Variants in ZNF143 observed in about 807,000 individuals in gnomAD.
The protein encoded by ZNF143 is SPH-binding factor.
A neutral mutation model predicts 74.1 loss-of-function variants in ZNF143; 49 were observed. That is an observed-to-expected ratio of 0.66 (90% CI 0.53 to 0.84). ZNF143 has a LOEUF of 0.84. ZNF143 is among the 40% of genes least tolerant of loss of function. The pLI is 0.00. For missense variants in ZNF143, 637 were observed against 793.4 expected (o/e 0.80, Z 2.37); for synonymous variants, 304 against 282.8 (o/e 1.07, Z -0.75).
intron 1 of ZNF143, among the ~76,000 whole-genome samples, chr11:9,462,531 C>G (rs1386848273): frequency 6.6e-6 from 1 of 151,314 alleles, no homozygotes; most frequent in Non-Finnish European, 1.5e-5. Flanking sequence ...CCACTGTACT[C>G]CCGTCTGGGT....
At chr11:9,524,355 G>T (rs1412912926) in intron 14 of ZNF143, among the ~76,000 whole-genome samples, 1 of 152,098 alleles carries the variant, frequency 6.6e-6, no homozygotes, top group Non-Finnish European at 1.5e-5. Context: ...TTTGTCAAGG[G>T]TTTATAATTG....
chr11:9,488,779 A>G (rs769813351), intron 7 of ZNF143, among the ~76,000 whole-genome samples: 3 of 152,126 alleles, frequency 2.0e-5, no homozygotes, highest in Non-Finnish European at 4.4e-5. Context: ...AATATTTATT[A>G]TTTTAGAATG....
intron 11 of ZNF143, among the ~76,000 whole-genome samples, chr11:9,503,854 G>A (rs1261013710): frequency 1.3e-5 from 2 of 149,430 alleles, no homozygotes; most frequent in Non-Finnish European, 3.0e-5. Flanking sequence ...GTTTCACCAT[G>A]TTGGCCAGGC....
intron 5 of ZNF143, among the ~76,000 whole-genome samples, chr11:9,478,058 C>T (rs1325109893): frequency 6.6e-6 from 1 of 152,232 alleles, no homozygotes; most frequent in Non-Finnish European, 1.5e-5. Context: ...AATCTCCTGA[C>T]CTCGTGATCC....
Position 9,511,101 on chromosome 11 carries a change from TC to T in ZNF143, c.1376-1346del, listed in dbSNP as rs1328252158. Among the ~76,000 whole-genome samples the T allele has an allele frequency of 2.3e-3, 326 of 142,888 alleles. 2 individuals carry two copies. Among genetic ancestry groups the T allele is most frequent in the Non-Finnish European group, 4.2e-3 (270 of 64,966 alleles). The allele number at this position is 142,888 out of a possible 152,430, so 93.7% of individuals were successfully genotyped here. ...ATAGTCTTAACCACTTTTAACAGCT[TC>T]TTTTTTTTTTTTTTTTTTTTTTTTT... On this transcript the variant is annotated intron_variant, in intron 12 of 15. Transcript: ENST00000396602.
chr11:9,472,662 AT>A lies in ZNF143; in HGVS notation c.113-8del. 4 of 1,605,358 alleles carry A rather than the reference AT, an allele frequency of 2.5e-6. No homozygotes were observed. Among genetic ancestry groups the A allele is most frequent in the South Asian group, 2.2e-5 (2 of 89,436 alleles). On this transcript the variant is annotated splice_polypyrimidine_tract_variant and intron_variant, in intron 2 of 15. Coordinates refer to ENST00000396602, the MANE Select transcript of ZNF143 (RefSeq NM_003442.6). ...TGCTAGCTGTCTAAAGAAAATATTG[AT>A]TTTTTTGTAATAGATGGTGACAACT...
chr11:9,495,301 C>T (rs923624168), intron 8 of ZNF143, among the ~76,000 whole-genome samples: 11 of 152,166 alleles, frequency 7.2e-5, no homozygotes, highest in Admixed American at 2.6e-4. Flanking sequence ...ATTAGCCGGG[C>T]GCAGTGGCAG....
intron 11 of ZNF143, among the ~76,000 whole-genome samples, chr11:9,501,637 GT>G (rs1480226872): frequency 6.6e-6 from 1 of 152,114 alleles, no homozygotes; most frequent in Non-Finnish European, 1.5e-5. Flanking sequence ...TTTGGGAGGG[GT>G]TTCTGGGAGA....
intron 8 of ZNF143, among the ~76,000 whole-genome samples, chr11:9,496,042 C>T (rs116401576): frequency 1.2e-3 from 177 of 152,288 alleles, no homozygotes; most frequent in African/African-American, 3.6e-3. Context: ...TTCATGCAGA[C>T]ACCTTTGACC....
Position 9,512,505 on chromosome 11 carries a change from G to A in ZNF143, c.1433G>A (p.Gly478Glu). 1 of 1,614,116 alleles carries A rather than the reference G, an allele frequency of 6.2e-7. No homozygotes were observed. Among genetic ancestry groups the A allele is most frequent in the Non-Finnish European group, 8.5e-7 (1 of 1,180,008 alleles). The part of the protein sequence containing the change: ...SQITYVTGVE[G>E]DDVVSTQVAT... ...ATTACGTATGTTACAGGTGTAGAAG[G>A]GGACGACGTTGTTTCTACACAAGTA... The change falls in exon 13 of 16, where the codon GGG (glycine) becomes GAG (glutamate). Residue 478 changes from glycine (G) to glutamate (E), a missense_variant. By Grantham distance (98) the Gly-to-Glu change is moderately conservative. This residue lies in a region of ZNF143 where 344 missense variants were observed against 485.6 expected (regional missense o/e 0.71). Coordinates refer to ENST00000396602, the MANE Select transcript of ZNF143 (RefSeq NM_003442.6).
intron 7 of ZNF143, among the ~76,000 whole-genome samples, chr11:9,486,422 A>ATATATAATATATATTT (rs1847531200): frequency 2.7e-5 from 1 of 36,450 alleles, no homozygotes; most frequent in South Asian, 6.3e-4. Context: ...AATATATATT[A>ATATATAATATATATTT]TATATATTAT....
At chr11:9,516,488 T>G (rs1848727756) in intron 14 of ZNF143, 126 bp downstream of exon 14, 1 of 884,948 alleles carries the variant, frequency 1.1e-6, no homozygotes. Context: ...TGTAACTTCT[T>G]AGCTACTTAA....
chr11:9,471,247 C>G (rs1590503475), intron 1 of ZNF143, 55 bp from the exon 2 acceptor site: 1 of 1,407,842 alleles, frequency 7.1e-7, no homozygotes, highest in East Asian at 2.4e-5. Context: ...TTCTTTGTAA[C>G]TTTCATTTCA....
intron 5 of ZNF143, among the ~76,000 whole-genome samples, chr11:9,476,094 TGGAATGTCTA>T (rs1378974206): frequency 6.6e-6 from 1 of 151,982 alleles, no homozygotes; most frequent in Non-Finnish European, 1.5e-5. Context: ...GGGTTTGAGG[TGGAATGTCTA>T]GGAATGATGA....
Position 9,472,783 on chromosome 11 carries a change from A to G in ZNF143, c.205+14A>G, listed in dbSNP as rs745962660. On this transcript the variant is annotated intron_variant, in intron 3 of 15. Coordinates refer to ENST00000396602, the MANE Select transcript of ZNF143 (RefSeq NM_003442.6). ...ACAATTCTAAAGGTATGTGCCTCACATATGGCTGATTGGTTAATACCAGTG... is the reference window on the plus strand; with the variant it reads ...ACAATTCTAAAGGTATGTGCCTCACGTATGGCTGATTGGTTAATACCAGTG... 8.5e-6 allele frequency: 13 copies of G among 1,537,760 alleles called. No individual in the cohort carries two copies. The highest frequency in any genetic ancestry group is 1.1e-5 in the Non-Finnish European group (13 of 1,145,988).
chr11:9,502,180 C>T (rs1405699000), intron 11 of ZNF143, among the ~76,000 whole-genome samples: 66 of 148,446 alleles, frequency 4.4e-4, no homozygotes, highest in Admixed American at 1.5e-3. Context: ...AGGTGATCTG[C>T]CCGCCTCGGC....
intron 5 of ZNF143, among the ~76,000 whole-genome samples, chr11:9,476,796 C>G (rs1778207661): frequency 9.8e-6 from 1 of 101,816 alleles, no homozygotes; most frequent in South Asian, 3.6e-4. Context: ...CTCTCGCTCT[C>G]TCTCCCAGTC....
At chr11:9,510,290 A>G (rs926266348) in intron 12 of ZNF143, among the ~76,000 whole-genome samples, 26 of 151,730 alleles carry the variant, frequency 1.7e-4, no homozygotes, top group Admixed American at 1.2e-3. Context: ...ATGCCTGGCT[A>G]ATTTTTTGTG....
chr11:9,473,947 A>G lies in ZNF143; in HGVS notation c.212A>G (p.Lys71Arg). 1 of 1,614,132 alleles carries G rather than the reference A, an allele frequency of 6.2e-7. No individual in the cohort carries two copies. The highest frequency in any genetic ancestry group is 1.1e-5 in the South Asian group (1 of 91,086). The change falls in exon 4 of 16, where the codon AAA becomes AGA. Residue 71 changes from lysine to arginine, a missense_variant. Lys to Arg is a conservative substitution (Grantham distance 26). Coordinates refer to ENST00000396602, the MANE Select transcript of ZNF143 (RefSeq NM_003442.6). ...CTTGAATCTTTTGTTATAGATGCAA[A>G]ACTCATAGATGGCCAGGTCATTCAG... ...AYIQHNSKDA[K>R]LIDGQVIQLE...
Sources: allele counts gnomAD v4.1 joint callset (sites outside exome capture counted in the v4.1 genomes callset), GRCh38; gene constraint gnomAD v4.1.1; regional missense constraint gnomAD v4.1.1; transcripts MANE v1.5; gene names NCBI Gene and HGNC (gene_info 2026-07-23, HGNC 2026-07-21).